The following FBXW12 variants were observed in gnomAD, a reference collection of about 807,000 sequenced individuals.
FBXW12 encodes the protein F-box and WD repeat domain containing 12.
FBXW12 carries 43 observed loss-of-function variants against 55.3 expected under a neutral mutation model. That is an observed-to-expected ratio of 0.78 (90% CI 0.61 to 1.00). The LOEUF is 1.00. Among genes scored for constraint, FBXW12 ranks in the 50% least tolerant of loss-of-function variants. The probability of loss-of-function intolerance (pLI) is 0.00; values close to 1 mark genes in which losing one functional copy is unlikely to be tolerated. For synonymous variants in FBXW12, 184 were observed against 203.8 expected (o/e 0.90, Z 0.83); for missense variants, 524 against 560.5 (o/e 0.93, Z 0.66).
intron 10 of FBXW12, 107 bp downstream of exon 10, chr3:48,382,192 C>T: frequency 6.4e-6 from 8 of 1,245,196 alleles, no homozygotes; most frequent in Non-Finnish European, 9.0e-6. Context: ...TCTCAACTCA[C>T]TGCAACCTCC....
chr3:48,372,338 G>T lies in FBXW12; in HGVS notation c.-85+18G>T, dbSNP rs1432272095. 1.3e-6 allele frequency: 2 copies of T among 1,552,136 alleles called. No homozygotes were observed. Among genetic ancestry groups the T allele is most frequent in the South Asian group, 1.2e-5 (1 of 84,060 alleles). ...ATCCCAAGGTAGGCACAGACACAGG[G>T]CAAGCAGACTCCAATTCCAGGAGTT... On this transcript the variant is annotated intron_variant, in intron 1 of 10. Coordinates refer to ENST00000296438, the MANE Select transcript of FBXW12 (RefSeq NM_207102.2).
At chr3:48,373,767 G>C in intron 4 of FBXW12, 62 bp downstream of exon 4, 1 of 1,477,474 alleles carries the variant, frequency 6.8e-7, no homozygotes, top group South Asian at 1.2e-5. Context: ...CACTCTATTT[G>C]ATTTTTGCTG....
chr3:48,390,596 G>C (rs1229199787), intron 10 of FBXW12, among the ~76,000 whole-genome samples: 1 of 151,246 alleles, frequency 6.6e-6, no homozygotes, highest in East Asian at 1.9e-4. Flanking sequence ...TGTATTTTTA[G>C]TAGAGATGGG....
In FBXW12 at chr3:48,381,838, G is replaced by T. The variant is rs768488061; in HGVS notation, c.1124G>T (p.Arg375Leu). ...LFSITGFLLQRFEDHQAAINN... is the reference protein window; with the variant it reads ...LFSITGFLLQLFEDHQAAINN... Reference sequence around the variant, plus strand: ...AGCATCACTGGCTTCCTGCTGCAACGATTTGAGGACCATCAGGCAGCCATC... The same window carrying T: ...AGCATCACTGGCTTCCTGCTGCAACTATTTGAGGACCATCAGGCAGCCATC... Residue 375 changes from arginine to leucine, a missense_variant, in exon 9 of 11, where the codon CGA becomes CTA. Transcript: ENST00000296438. 6.2e-6 allele frequency: 10 copies of T among 1,608,718 alleles called. No homozygotes were observed. In the East Asian group the frequency reaches 1.3e-4, roughly 22 times the overall value.
At chr3:48,378,291 C>T in intron 5 of FBXW12, 26 bp from the exon 6 acceptor site, 4 of 1,577,464 alleles carry the variant, frequency 2.5e-6, no homozygotes, top group Non-Finnish European at 1.7e-6. Context: ...TCCTTGAACA[C>T]AGGTCGTGTT....
chr3:48,379,364 C>G (rs746720909), intron 6 of FBXW12, 36 bp from the exon 7 acceptor site: 3 of 1,607,804 alleles, frequency 1.9e-6, no homozygotes, highest in Middle Eastern at 1.7e-4. Context: ...TTTCACATAT[C>G]TTCCTATTGA....
Position 48,375,438 on chromosome 3 carries a change from C to G in FBXW12, c.371C>G (p.Pro124Arg). ...QEKSIICSVS[P>R]KQELCAWDVQ... ...AAATCAATCATTTGTAGTGTATCTC[C>G]AAAGCAAGAGCTTTGTGCCTGGGAT... Residue 124 changes from proline to arginine, a missense_variant, in exon 5 of 11, where the codon CCA becomes CGA. Transcript: ENST00000296438. 1 of 1,610,942 alleles carries G rather than the reference C, an allele frequency of 6.2e-7. No homozygotes were observed. Among genetic ancestry groups the G allele is most frequent in the Non-Finnish European group, 8.5e-7 (1 of 1,178,860 alleles).
At chr3:48,379,855 C>A in intron 7 of FBXW12, 1 of 324,720 alleles carries the variant, frequency 3.1e-6, no homozygotes, top group Non-Finnish European at 5.8e-6. Flanking sequence ...TGGCATGCAC[C>A]TATAGTCCCA....
At chr3:48,388,844 C>T (rs1425181810) in intron 10 of FBXW12, among the ~76,000 whole-genome samples, 1 of 152,214 alleles carries the variant, frequency 6.6e-6, no homozygotes, top group Non-Finnish European at 1.5e-5. Context: ...TCCATCACTT[C>T]AAATATTTAT....
At chr3:48,392,616 CTTTA>C (rs372776539) in intron 10 of FBXW12, among the ~76,000 whole-genome samples, 32 of 152,224 alleles carry the variant, frequency 2.1e-4, no homozygotes, top group African/African-American at 7.5e-4. Context: ...ACACTGTGTG[CTTTA>C]TTTGTTGTTT....
intron 1 of FBXW12, 116 bp from the exon 2 acceptor site, chr3:48,372,568 A>G (rs2036617052): frequency 7.9e-7 from 1 of 1,271,212 alleles, no homozygotes; most frequent in Non-Finnish European, 1.1e-6. Flanking sequence ...GATGCCTGCC[A>G]GCTGTGTGGA....
At chr3:48,388,090 C>G (rs752426712) in intron 10 of FBXW12, among the ~76,000 whole-genome samples, 15 of 152,008 alleles carry the variant, frequency 9.9e-5, no homozygotes, top group Non-Finnish European at 1.8e-4. Flanking sequence ...TTATTGTGGT[C>G]TTTTTGGTCA....
At chr3:48,377,804 G>A (rs375963093) in intron 5 of FBXW12, among the ~76,000 whole-genome samples, 35 of 151,058 alleles carry the variant, frequency 2.3e-4, no homozygotes, top group African/African-American at 6.3e-4. Flanking sequence ...ATTAAACTTC[G>A]TGCTCTTTTC....
Position 48,375,419 on chromosome 3 carries a change from A to G in FBXW12, c.352A>G (p.Ile118Val), listed in dbSNP as rs1450489765. Residue 118 changes from isoleucine (I) to valine (V), a missense_variant, in exon 5 of 11, where the codon ATC becomes GTC. Transcript: ENST00000296438. ...RLTVDEQEKS[I>V]ICSVSPKQEL... ...TACAGTGGATGAACAGGAGAAATCA[A>G]TCATTTGTAGTGTATCTCCAAAGCA... The G allele has an allele frequency of 6.2e-7, 1 of 1,612,850 alleles. No individual in the cohort carries two copies. The highest frequency in any genetic ancestry group is 1.7e-5 in the Admixed American group (1 of 59,688).
chr3:48,373,403 C>T, intron 3 of FBXW12, 58 bp downstream of exon 3: 1 of 1,613,512 alleles, frequency 6.2e-7, no homozygotes, highest in Non-Finnish European at 8.5e-7. Flanking sequence ...GACTGCGCAC[C>T]CATGCTGTGT....
intron 10 of FBXW12, among the ~76,000 whole-genome samples, chr3:48,393,099 A>C (rs2036954917): frequency 6.6e-6 from 1 of 150,648 alleles, no homozygotes; most frequent in Non-Finnish European, 1.5e-5. Context: ...GGTTTCAAGC[A>C]ATTCTTCTGC....
rs538763831 is a variant in FBXW12, at chr3:48,393,687, G to A, written c.1296-873G>A. Among the ~76,000 whole-genome samples, 5 of 152,276 alleles carry A rather than the reference G, an allele frequency of 3.3e-5. No individual in the cohort carries two copies. In the South Asian group the frequency reaches 1.0e-3, roughly 32 times the overall value. Reference sequence around the variant, plus strand: ...GCCTGTAATCCCAGCACTTTGGAAGGCTAAGGCAGGCAGATCGCTTGAGTG... The same window carrying A: ...GCCTGTAATCCCAGCACTTTGGAAGACTAAGGCAGGCAGATCGCTTGAGTG... On this transcript the variant is annotated intron_variant, in intron 10 of 10. Coordinates refer to ENST00000296438, the MANE Select transcript of FBXW12 (RefSeq NM_207102.2).
chr3:48,380,779 T>C lies in FBXW12; in HGVS notation c.852T>C (p.Cys284=). The C allele has an allele frequency of 6.2e-7, 1 of 1,614,140 alleles. No homozygotes were observed. Residue 284 remains cysteine, a synonymous_variant, in exon 8 of 11, where the codon TGT becomes TGC. Transcript: ENST00000296438. ...CTACCTTTCTCCCACATAAATTATGTGCCAGCGCCTGCTGGACCCCAAAGG... is the reference window on the plus strand; with the variant it reads ...CTACCTTTCTCCCACATAAATTATGCGCCAGCGCCTGCTGGACCCCAAAGG... ...PLSTFLPHKL[C]ASACWTPKVK... is the part of the protein sequence containing the mutation.
chr3:48,378,651 G>C (rs2036721061), intron 6 of FBXW12, 125 bp downstream of exon 6: 4 of 741,986 alleles, frequency 5.4e-6, no homozygotes, highest in Non-Finnish European at 8.3e-6. Context: ...GTCTCACTCT[G>C]TTGCTCAGGC....
Sources: gnomAD v4.1 joint callset for allele counts (sites outside exome capture counted in the v4.1 genomes callset) on GRCh38, gnomAD v4.1.1 for gene constraint, MANE v1.5 for transcripts, NCBI Gene and HGNC (gene_info 2026-07-23, HGNC 2026-07-21) for gene names.